Variants in TXNRD3 observed in about 807,000 individuals in gnomAD.
TXNRD3 encodes TXNRD3 neighbor gene protein.
Under a neutral mutation model 78.2 loss-of-function variants are expected in TXNRD3, and 68 were observed. That is an observed-to-expected ratio of 0.87 (90% CI 0.72 to 1.06). TXNRD3 has a LOEUF of 1.06. Among genes scored for constraint, TXNRD3 ranks in the 50% least tolerant of loss-of-function variants. The probability of loss-of-function intolerance (pLI) is 0.00; values close to 1 mark genes in which losing one functional copy is unlikely to be tolerated. For synonymous variants in TXNRD3, 296 were observed against 300.1 expected (o/e 0.99, Z 0.14); for missense variants, 751 against 809.5 (o/e 0.93, Z 0.88).
chr3:126,618,025 C>G (rs1394872670), intron 12 of TXNRD3, among the ~76,000 whole-genome samples: 2 of 151,960 alleles, frequency 1.3e-5, no homozygotes, highest in Admixed American at 1.3e-4. Context: ...GTAGGTGAAA[C>G]CACTCTACAA....
Position 126,654,756 on chromosome 3 carries a change from T to A in TXNRD3, c.235A>T (p.Ser79Cys). The change falls in exon 1 of 16, where the codon AGT (serine) becomes TGT (cysteine). Residue 79 changes from serine (S) to cysteine (C), a missense_variant. By Grantham distance (112) the Ser-to-Cys change is moderately radical. Coordinates refer to ENST00000524230, the MANE Select transcript of TXNRD3 (RefSeq NM_052883.3). ...GCGAGGGCCGCGCCTACCCGAGTAC[T>A]ATGGGGACAGTAGCTCTTGCTGAAG... 1 of 1,403,132 alleles carries A rather than the reference T, an allele frequency of 7.1e-7. No individual in the cohort carries two copies. Among genetic ancestry groups the A allele is most frequent in the Non-Finnish European group, 9.3e-7 (1 of 1,077,662 alleles). The allele number at this position is 1,403,132 out of a possible 1,614,324, so 86.9% of individuals were successfully genotyped here.
chr3:126,607,914 G>A lies in TXNRD3; in HGVS notation c.1923C>T (p.Cys641=), dbSNP rs531171579. The change falls in exon 16 of 16, where the codon TGC becomes TGT. Residue 641 remains cysteine (C), a synonymous_variant. Transcript: ENST00000524230. ...CTAAACAGCAGCAGGCCTAGCCTCA[G>A]CAGCCTTTCTGAGTGATGTCTAGTC... The A allele has an allele frequency of 3.4e-5, 51 of 1,515,800 alleles. No homozygotes were observed. The highest frequency in any genetic ancestry group is 3.5e-6 in the Non-Finnish European group (4 of 1,131,058). 93.9% of individuals were successfully genotyped at this position (1,515,800 alleles called of 1,614,324 possible).
At chr3:126,610,982 A>G in intron 14 of TXNRD3, 55 bp downstream of exon 14, 1 of 1,136,346 alleles carries the variant, frequency 8.8e-7, no homozygotes, top group Non-Finnish European at 1.2e-6. Flanking sequence ...AAATACTAAA[A>G]ATAAAAGCTA....
chr3:126,610,929 CATGGCA>C (rs1292796711), intron 14 of TXNRD3, 102 bp downstream of exon 14: 1 of 621,862 alleles, frequency 1.6e-6, no homozygotes, highest in Non-Finnish European at 2.6e-6. Flanking sequence ...GCCTGAGCAA[CATGGCA>C]AGATCCCGTC....
chr3:126,630,756 C>G lies in TXNRD3; in HGVS notation c.1153G>C (p.Glu385Gln), dbSNP rs569961895. 1.5e-4 allele frequency: 223 copies of G among 1,534,436 alleles called. 2 individuals carry two copies. In the South Asian group the frequency reaches 2.5e-3, roughly 17 times the overall value. Residue 385 changes from glutamate to glutamine, a missense_variant, in exon 9 of 16, where the codon GAG (glutamate) becomes CAG (glutamine). Physicochemically the swap from Glu to Gln is conservative, Grantham distance 29. Coordinates refer to ENST00000524230, the MANE Select transcript of TXNRD3 (RefSeq NM_052883.3). ...CGTAGGAACTTCACACCATGCTGCT[C>G]CATGTAGGAACCCACTTTTTCTGCC...
chr3:126,632,567 G>A (rs1938745509), intron 7 of TXNRD3, among the ~76,000 whole-genome samples: 1 of 151,136 alleles, frequency 6.6e-6, no homozygotes, highest in Non-Finnish European at 1.5e-5. Context: ...GGCTGAGGTG[G>A]GAGAATTGCT....
rs181603849 is a variant in TXNRD3 at position 126,639,436 on chromosome 3, G to A, written c.712+2596C>T. Among the ~76,000 whole-genome samples, 7 of 152,210 alleles carry A rather than the reference G, an allele frequency of 4.6e-5. No homozygotes were observed. The East Asian group carries it at 1.4e-3, about 29-fold the overall frequency. On this transcript the variant is annotated intron_variant, in intron 6 of 15. Coordinates refer to ENST00000524230, the MANE Select transcript of TXNRD3 (RefSeq NM_052883.3). ...CATTCTCCCCAGTCCCCCATGTGCT[G>A]TGCCTCTCACACCCAGCTCTCGCCC... is the stretch of plus-strand genomic sequence containing the variant.
chr3:126,633,940 T>C lies in TXNRD3; in HGVS notation c.824A>G (p.Tyr275Cys), dbSNP rs1486381265. 16 of 1,512,596 alleles carry C rather than the reference T, an allele frequency of 1.1e-5. No homozygotes were observed. Among genetic ancestry groups the C allele is most frequent in the Admixed American group, 4.2e-5 (2 of 47,796 alleles). 93.7% of individuals were successfully genotyped at this position (1,512,596 alleles called of 1,614,324 possible). The change falls in exon 7 of 16, where the codon TAT becomes TGT. Residue 275 changes from tyrosine (Y) to cysteine (C), a missense_variant. Tyr to Cys is a radical substitution (Grantham distance 194). Coordinates refer to ENST00000524230, the MANE Select transcript of TXNRD3 (RefSeq NM_052883.3). ...TTTATGATGTTCAACAAATTCTCCATAGGAATTGACATAGGCCACAGCCTT... is the reference window on the plus strand; with the variant it reads ...TTTATGATGTTCAACAAATTCTCCACAGGAATTGACATAGGCCACAGCCTT...
At chr3:126,615,885 C>T (rs370493083) in intron 12 of TXNRD3, among the ~76,000 whole-genome samples, 19 of 152,336 alleles carry the variant, frequency 1.2e-4, no homozygotes, top group East Asian at 9.6e-4. Flanking sequence ...CACCTCTTGG[C>T]CATTTCATAT....
rs1364475919 is a variant in TXNRD3 at position 126,630,732 on chromosome 3, G to A, written c.1177C>T (p.Arg393Trp). 1.1e-5 allele frequency: 17 copies of A among 1,534,216 alleles called. No individual in the cohort carries two copies. Among genetic ancestry groups the A allele is most frequent in the South Asian group, 8.3e-5 (7 of 83,964 alleles). ...CTTACCATCACAGGTATGAATTTCC[G>A]TAGGAACTTCACACCATGCTGCTCC... Residue 393 changes from arginine (R) to tryptophan (W), a missense_variant, in exon 9 of 16, where the codon CGG becomes TGG. Transcript: ENST00000524230.
At chr3:126,617,056 C>T (rs1308122454) in intron 12 of TXNRD3, among the ~76,000 whole-genome samples, 1 of 152,120 alleles carries the variant, frequency 6.6e-6, no homozygotes, top group African/African-American at 2.4e-5. Context: ...CATGGGAGGC[C>T]TCATTCTTAA....
At chr3:126,622,101 A>G (rs961306856) in intron 11 of TXNRD3, among the ~76,000 whole-genome samples, 7 of 152,240 alleles carry the variant, frequency 4.6e-5, no homozygotes, top group Non-Finnish European at 8.8e-5. Context: ...TGGTGAAACC[A>G]CAGGCATTTC....
chr3:126,622,547 T>C lies in TXNRD3; in HGVS notation c.1291-7A>G. On this transcript the variant is annotated splice_polypyrimidine_tract_variant and splice_region_variant and intron_variant, in intron 10 of 15. Transcript: ENST00000524230. ...GACCAATAGCTAACAAAACCTGCAT[T>C]TGCAGAGAAATCAAAAACACAAATT... The C allele has an allele frequency of 6.5e-7, 1 of 1,531,588 alleles. No homozygotes were observed. Among genetic ancestry groups the C allele is most frequent in the Non-Finnish European group, 8.7e-7 (1 of 1,145,426 alleles). The allele number at this position is 1,531,588 out of a possible 1,614,324, so 94.9% of individuals were successfully genotyped here.
Position 126,621,894 on chromosome 3 carries a change from C to A in TXNRD3, c.1372G>T (p.Gly458Ter). The A allele has an allele frequency of 6.6e-7, 1 of 1,507,992 alleles. No individual in the cohort carries two copies. The highest frequency in any genetic ancestry group is 8.8e-7 in the Non-Finnish European group (1 of 1,137,248). The allele number at this position is 1,507,992 out of a possible 1,614,324, so 93.4% of individuals were successfully genotyped here. The stretch of plus-strand genomic sequence containing the variant: ...TCCACATCATTTACAGGTATTTTTC[C>A]ACTCCTATTAGTTTTTGAAATGGGA... The change falls in exon 12 of 16, where the codon GGA becomes TGA. Residue 458 changes from glycine (G) to a stop codon, truncating the protein, a stop_gained. Transcript: ENST00000524230. LOFTEE classifies it high-confidence loss of function.
intron 3 of TXNRD3, among the ~76,000 whole-genome samples, chr3:126,644,806 A>T (rs1438749197): frequency 6.6e-6 from 1 of 152,230 alleles, no homozygotes; most frequent in African/African-American, 2.4e-5. Flanking sequence ...ATTCTTATGC[A>T]TTATCAGCAA....
chr3:126,621,759 CAA>C lies in TXNRD3; in HGVS notation c.1505_1506del (p.Phe502TrpfsTer8). ...AAACTTACCTTTTCTAAAGAGGCCC[CAA>C]AAAGTCTCTGAGCTAGCAGCTTGCC... On this transcript the variant is annotated frameshift_variant, in exon 12 of 16. Coordinates refer to ENST00000524230, the MANE Select transcript of TXNRD3 (RefSeq NM_052883.3). LOFTEE classifies it high-confidence loss of function. The C allele has an allele frequency of 6.6e-7, 1 of 1,515,286 alleles. No homozygotes were observed. Among genetic ancestry groups the C allele is most frequent in the Non-Finnish European group, 8.8e-7 (1 of 1,141,116 alleles). 93.9% of individuals were successfully genotyped at this position (1,515,286 alleles called of 1,614,324 possible).
intron 7 of TXNRD3, among the ~76,000 whole-genome samples, chr3:126,632,725 C>T (rs1938752669): frequency 6.6e-6 from 1 of 151,656 alleles, no homozygotes; most frequent in Non-Finnish European, 1.5e-5. Flanking sequence ...AAAAACCATT[C>T]ACATGCTAAT....
Position 126,607,913 on chromosome 3 carries a change from A to G in TXNRD3, c.1924T>C (p.Sec642Arg). The change falls in exon 16 of 16, where the codon TGA becomes CGA. Residue 642 changes from selenocysteine to arginine, a missense_variant. Transcript: ENST00000524230. ...ACTAAACAGCAGCAGGCCTAGCCTC[A>G]GCAGCCTTTCTGAGTGATGTCTAGT... 1 of 1,516,190 alleles carries G rather than the reference A, an allele frequency of 6.6e-7. No homozygotes were observed. The highest frequency in any genetic ancestry group is 8.8e-7 in the Non-Finnish European group (1 of 1,131,290). 93.9% of individuals were successfully genotyped at this position (1,516,190 alleles called of 1,614,324 possible).
chr3:126,630,884 G>T lies in TXNRD3; in HGVS notation c.1025C>A (p.Ala342Asp), dbSNP rs1356991323. The change falls in exon 9 of 16, where the codon GCC (alanine) becomes GAC (aspartate). Residue 342 changes from alanine (A) to aspartate (D), a missense_variant. Coordinates refer to ENST00000524230, the MANE Select transcript of TXNRD3 (RefSeq NM_052883.3). The stretch of plus-strand genomic sequence containing the variant: ...TGCACACTCCAGGGCAACATAAGAG[G>T]CACCCACCACTAATGTTTTGCCAGG... 6.5e-7 allele frequency: 1 copy of T among 1,535,754 alleles called. No homozygotes were observed. Among genetic ancestry groups the T allele is most frequent in the Non-Finnish European group, 8.7e-7 (1 of 1,146,848 alleles).
Sources: gnomAD v4.1 joint callset for allele counts (sites outside exome capture counted in the v4.1 genomes callset) on GRCh38, gnomAD v4.1.1 for gene constraint, MANE v1.5 for transcripts, NCBI Gene and HGNC (gene_info 2026-07-23, HGNC 2026-07-21) for gene names.